The following GMDS variants were observed in gnomAD, a reference collection of about 807,000 sequenced individuals.
The protein encoded by GMDS is GDP-mannose 4,6-dehydratase, also known as GDP-mannose 4,6 dehydratase.
A neutral mutation model predicts 49.9 loss-of-function variants in GMDS; 20 were observed. The observed-to-expected ratio is 0.40, with a 90% confidence interval of 0.28 to 0.58. The LOEUF (loss-of-function observed/expected upper bound fraction) is 0.58. GMDS is among the 20% of genes least tolerant of loss of function. GMDS has a pLI of 0.42. For missense variants in GMDS, 362 were observed against 481.4 expected (o/e 0.75, Z 2.32); for synonymous variants, 177 against 178.6 (o/e 0.99, Z 0.07).
chr6:1,941,722 C>T (rs1484366809), intron 6 of GMDS, among the ~76,000 whole-genome samples: 20 of 152,046 alleles, frequency 1.3e-4, no homozygotes, highest in Admixed American at 1.3e-3. Context: ...CTAGTGATGA[C>T]GGAGAAACTG....
chr6:1,973,229 A>G (rs1474039400), intron 4 of GMDS, among the ~76,000 whole-genome samples: 2 of 152,352 alleles, frequency 1.3e-5, no homozygotes, highest in Admixed American at 6.5e-5. Context: ...CTCCAAAAGT[A>G]CATAAATACA....
chr6:1,874,232 A>C (rs1355004879), intron 7 of GMDS, among the ~76,000 whole-genome samples: 3 of 152,250 alleles, frequency 2.0e-5, no homozygotes, highest in Non-Finnish European at 1.5e-5. Flanking sequence ...GTTTAATGAA[A>C]GAAATGTTAG....
intron 9 of GMDS, among the ~76,000 whole-genome samples, chr6:1,639,732 G>C (rs1192532848): frequency 6.6e-6 from 1 of 152,232 alleles, no homozygotes; most frequent in Non-Finnish European, 1.5e-5. Flanking sequence ...ACAAAAACCA[G>C]CCGGGTGTGG....
intron 4 of GMDS, among the ~76,000 whole-genome samples, chr6:2,013,714 T>G (rs1290046671): frequency 6.6e-6 from 1 of 151,550 alleles, no homozygotes; most frequent in Non-Finnish European, 1.5e-5. Flanking sequence ...AATAGATGCA[T>G]CGCAAACTAC....
intron 9 of GMDS, among the ~76,000 whole-genome samples, chr6:1,702,388 A>G (rs1214450491): frequency 2.6e-5 from 4 of 152,244 alleles, no homozygotes; most frequent in Non-Finnish European, 5.9e-5. Context: ...CAGAGTCTTG[A>G]TTAAAAATAT....
chr6:1,788,792 AAATT>A (rs1769415745), intron 7 of GMDS, among the ~76,000 whole-genome samples: 2 of 152,232 alleles, frequency 1.3e-5, no homozygotes, highest in Admixed American at 6.5e-5. Flanking sequence ...TAAAATAAAA[AAATT>A]AATTAACTTA....
intron 7 of GMDS, among the ~76,000 whole-genome samples, chr6:1,794,750 G>A (rs999585328): frequency 6.6e-6 from 1 of 152,180 alleles, no homozygotes; most frequent in Non-Finnish European, 1.5e-5. Context: ...TTCGGGACAC[G>A]TCATTCTTAT....
intron 6 of GMDS, among the ~76,000 whole-genome samples, chr6:1,946,862 G>C (rs1763096157): frequency 6.6e-6 from 1 of 152,128 alleles, no homozygotes; most frequent in African/African-American, 2.4e-5. Flanking sequence ...AAGCTCTCTA[G>C]GCATGTTTCA....
chr6:1,624,403 ACCCTGAGAGCTGCCG>A, intron 10 of GMDS, 54 bp downstream of exon 10: 2 of 1,442,594 alleles, frequency 1.4e-6, no homozygotes, highest in Non-Finnish European at 1.9e-6. Context: ...CAGGCGCCCG[ACCCTGAGAGCTGCCG>A]CCCTGCAGCC....
At position 2,026,941 on chromosome 6, in the gene GMDS, C is replaced by T. The variant is rs796179584; in HGVS notation, c.346-65975G>A. On this transcript the variant is annotated intron_variant, in intron 4 of 10. Transcript: ENST00000380815. ...TAGGAAATGAGGTAAATACATTTTC[C>T]AAGGAACACAGATCATATAAGAAAT... Among the ~76,000 whole-genome samples the T allele has an allele frequency of 4.3e-4, 66 of 152,176 alleles. 1 individual carries two copies. The highest frequency in any genetic ancestry group is 1.5e-3 in the African/African-American group (63 of 41,504).
intron 9 of GMDS, among the ~76,000 whole-genome samples, chr6:1,682,512 C>T (rs942228658): frequency 1.5e-4 from 23 of 152,008 alleles, no homozygotes; most frequent in Middle Eastern, 3.4e-3. Context: ...GCCAGGCAGG[C>T]GGGCAGGCCA....
intron 4 of GMDS, among the ~76,000 whole-genome samples, chr6:2,035,669 C>CTTAT (rs1394779147): frequency 5.3e-5 from 8 of 151,750 alleles, no homozygotes; most frequent in African/African-American, 1.5e-4. Flanking sequence ...AAAAGAGTAA[C>CTTAT]TTATTTATTT....
chr6:2,083,486 T>C (rs1581627405), intron 4 of GMDS, among the ~76,000 whole-genome samples: 1 of 152,130 alleles, frequency 6.6e-6, no homozygotes, highest in East Asian at 1.9e-4. Flanking sequence ...AAAAACAAGA[T>C]TCAAAACAAC....
At chr6:2,020,208 C>T (rs1447741489) in intron 4 of GMDS, among the ~76,000 whole-genome samples, 1 of 151,944 alleles carries the variant, frequency 6.6e-6, no homozygotes. Flanking sequence ...TATTTTAAGG[C>T]TAGCCTTGAG....
chr6:2,060,876 C>T (rs1328296107), intron 4 of GMDS, among the ~76,000 whole-genome samples: 4 of 152,034 alleles, frequency 2.6e-5, no homozygotes, highest in South Asian at 2.1e-4. Flanking sequence ...AAAAATTAGC[C>T]GGGCGTAGTG....
At chr6:2,197,536 C>A (rs58597203) in intron 1 of GMDS, among the ~76,000 whole-genome samples, 4,346 of 152,262 alleles carry the variant, frequency 0.029, 209 homozygotes, top group African/African-American at 0.099. Context: ...GATGACATTT[C>A]CCGTAAAAGG....
chr6:1,967,325 C>A (rs752580667), intron 4 of GMDS, among the ~76,000 whole-genome samples: 1 of 152,160 alleles, frequency 6.6e-6, no homozygotes, highest in Non-Finnish European at 1.5e-5. Context: ...CGGAAGCACG[C>A]CTTGGCACAG....
chr6:1,907,429 A>G (rs752095146), intron 7 of GMDS, among the ~76,000 whole-genome samples: 14 of 152,210 alleles, frequency 9.2e-5, no homozygotes, highest in Admixed American at 2.0e-4. Flanking sequence ...CTTTCTAAAA[A>G]TATTTAAAAA....
At chr6:1,943,354 G>T (rs1762908205) in intron 6 of GMDS, among the ~76,000 whole-genome samples, 1 of 152,146 alleles carries the variant, frequency 6.6e-6, no homozygotes, top group Non-Finnish European at 1.5e-5. Flanking sequence ...CAAGCTACCT[G>T]CTCTCATTAC....
Sources: gnomAD v4.1 joint callset for allele counts (sites outside exome capture counted in the v4.1 genomes callset) on GRCh38, gnomAD v4.1.1 for gene constraint, MANE v1.5 for transcripts, NCBI Gene and HGNC (gene_info 2026-07-23, HGNC 2026-07-21) for gene names.